SLC44A5: variants seen among roughly 807,000 people sequenced by gnomAD.
SLC44A5 encodes the protein solute carrier family 44 member 5, also known as choline transporter-like protein 5.
In SLC44A5, 57 loss-of-function variants were observed where a neutral mutation model predicts 101.8. That is an observed-to-expected ratio of 0.56 (90% CI 0.45 to 0.70). The LOEUF is 0.70. Ranked by LOEUF, SLC44A5 falls within the 30% of genes least tolerant of loss-of-function variation. The pLI is 0.00. For synonymous variants in SLC44A5, 281 were observed against 290.9 expected (o/e 0.97, Z 0.35); for missense variants, 737 against 853.1 (o/e 0.86, Z 1.70).
At chr1:75,401,880 A>T (rs1449797928) in intron 2 of SLC44A5, among the ~76,000 whole-genome samples, 1 of 152,218 alleles carries the variant, frequency 6.6e-6, no homozygotes, top group Non-Finnish European at 1.5e-5. Context: ...AAAACTCATT[A>T]TCCTGTGCAT....
At chr1:75,707,359 C>G in the SLC44A5 span, among the ~76,000 whole-genome samples, 2 of 152,182 alleles carry the variant, frequency 1.3e-5, no homozygotes, top group Admixed American at 1.3e-4. Context: ...TCAACACAAC[C>G]TGTAGGTAAT....
intron 2 of SLC44A5, among the ~76,000 whole-genome samples, chr1:75,473,538 C>A (rs537380008): frequency 1.3e-5 from 2 of 152,082 alleles, no homozygotes; most frequent in South Asian, 2.1e-4. Context: ...ACTTGATTTG[C>A]GCTGTTCTTT....
At chr1:75,460,371 T>C (rs975839540) in intron 2 of SLC44A5, among the ~76,000 whole-genome samples, 7 of 152,222 alleles carry the variant, frequency 4.6e-5, no homozygotes, top group African/African-American at 1.7e-4. Flanking sequence ...ACAATAAATA[T>C]TTCACAAAAT....
intron 7 of SLC44A5, among the ~76,000 whole-genome samples, chr1:75,243,924 C>T (rs1648882999): frequency 6.6e-6 from 1 of 151,922 alleles, no homozygotes; most frequent in Non-Finnish European, 1.5e-5. Flanking sequence ...CTATTAATTC[C>T]CTCAAGAGTT....
chr1:75,492,068 T>A (rs1272152526), intron 2 of SLC44A5, among the ~76,000 whole-genome samples: 1 of 152,156 alleles, frequency 6.6e-6, no homozygotes, highest in South Asian at 2.1e-4. Context: ...CCTGTTTTAA[T>A]GAAAACAGGG....
chr1:75,327,085 A>AT (rs35527065), intron 4 of SLC44A5, among the ~76,000 whole-genome samples: 463 of 148,712 alleles, frequency 3.1e-3, no homozygotes, highest in African/African-American at 5.7e-3. Context: ...TCTAAGCTTT[A>AT]TTTTTTTTTT....
chr1:75,703,500 G>A, the SLC44A5 span, among the ~76,000 whole-genome samples: 6 of 151,990 alleles, frequency 3.9e-5, no homozygotes, highest in African/African-American at 9.7e-5. Flanking sequence ...ATCGCACAGC[G>A]GGGCCTGTTG....
chr1:75,281,166 G>T (rs1652516450), intron 5 of SLC44A5, among the ~76,000 whole-genome samples: 1 of 152,122 alleles, frequency 6.6e-6, no homozygotes, highest in African/African-American at 2.4e-5. Context: ...GAATAGCTTT[G>T]ACCAAAATGC....
At chr1:75,359,308 C>A (rs1659318026) in intron 3 of SLC44A5, among the ~76,000 whole-genome samples, 1 of 141,890 alleles carries the variant, frequency 7.0e-6, no homozygotes, top group African/African-American at 2.6e-5. Flanking sequence ...GATGTCAGTT[C>A]ACTGCAGCCT....
At chr1:75,539,785 A>G (rs1671253222) in intron 2 of SLC44A5, among the ~76,000 whole-genome samples, 1 of 152,202 alleles carries the variant, frequency 6.6e-6, no homozygotes, top group Non-Finnish European at 1.5e-5. Context: ...ATTAGTGGAA[A>G]TGTTTAAAAA....
rs1236248767 is a variant in SLC44A5, at chr1:75,431,412, A to G, written c.14-34791T>C. Among the ~76,000 whole-genome samples the G allele has an allele frequency of 3.9e-5, 6 of 152,122 alleles. No homozygotes were observed. In the East Asian group the frequency reaches 1.2e-3, roughly 29 times the overall value. On this transcript the variant is annotated intron_variant, in intron 2 of 23. Coordinates refer to ENST00000370859, the MANE Select transcript of SLC44A5 (RefSeq NM_001130058.2). ...CTTATTGTGGCATACTGTGTGTGGGATTGATTGGGTTACACTACTTTAAAT... is the reference window on the plus strand; with the variant it reads ...CTTATTGTGGCATACTGTGTGTGGGGTTGATTGGGTTACACTACTTTAAAT...
the SLC44A5 span, among the ~76,000 whole-genome samples, chr1:75,711,489 T>C: frequency 6.6e-6 from 1 of 152,234 alleles, no homozygotes; most frequent in East Asian, 1.9e-4. Context: ...CTGTAGACCA[T>C]AGACTACAGC....
At chr1:75,605,379 A>T (rs1012990867) in intron 1 of SLC44A5, among the ~76,000 whole-genome samples, 2 of 152,010 alleles carry the variant, frequency 1.3e-5, no homozygotes, top group African/African-American at 4.8e-5. Flanking sequence ...AAAAAATAAA[A>T]ATAAATAAAT....
intron 9 of SLC44A5, among the ~76,000 whole-genome samples, chr1:75,239,951 T>C: frequency 6.6e-6 from 1 of 151,244 alleles, no homozygotes; most frequent in South Asian, 2.1e-4. Context: ...GTTTCTCTCA[T>C]GTCCTCCCAT....
At chr1:75,491,132 C>A (rs1371213284) in intron 2 of SLC44A5, among the ~76,000 whole-genome samples, 1 of 152,118 alleles carries the variant, frequency 6.6e-6, no homozygotes, top group African/African-American at 2.4e-5. Flanking sequence ...GGTTTGTGAC[C>A]TAACCCTGGC....
chr1:75,267,607 G>A (rs1244503755), intron 6 of SLC44A5, among the ~76,000 whole-genome samples: 2 of 152,110 alleles, frequency 1.3e-5, no homozygotes, highest in Non-Finnish European at 2.9e-5. Context: ...CTGGAGTGCA[G>A]TGGTGCAATC....
chr1:75,617,547 C>T, the SLC44A5 span, among the ~76,000 whole-genome samples: 1 of 152,174 alleles, frequency 6.6e-6, no homozygotes. Flanking sequence ...GTTATTTTTT[C>T]AGCCCTTCTA....
chr1:75,683,713 A>G, the SLC44A5 span, among the ~76,000 whole-genome samples: 1 of 152,038 alleles, frequency 6.6e-6, no homozygotes, highest in Non-Finnish European at 1.5e-5. Context: ...GTATGTAACT[A>G]ACCTGCACAA....
chr1:75,274,511 C>T (rs1442133708), intron 6 of SLC44A5, among the ~76,000 whole-genome samples: 2 of 152,122 alleles, frequency 1.3e-5, no homozygotes, highest in Admixed American at 1.3e-4. Flanking sequence ...GGATACCAAA[C>T]ATTGAAGACC....
Sources: allele counts gnomAD v4.1 joint callset (sites outside exome capture counted in the v4.1 genomes callset), GRCh38; gene constraint gnomAD v4.1.1; transcripts MANE v1.5; gene names NCBI Gene and HGNC (gene_info 2026-07-23, HGNC 2026-07-21).